The following KIF5C variants were observed in gnomAD, a reference collection of about 807,000 sequenced individuals.
KIF5C encodes the protein kinesin family member 5C, also known as kinesin heavy chain isoform 5C.
In KIF5C, 18 loss-of-function variants were observed where a neutral mutation model predicts 125.2. The ratio of observed to expected loss-of-function variants is 0.14; its 90% confidence interval spans 0.10 to 0.21. The LOEUF (loss-of-function observed/expected upper bound fraction) is 0.21, where lower values mean the gene tolerates loss of function less well. Ranked by LOEUF, KIF5C falls within the 10% of genes least tolerant of loss-of-function variation. KIF5C has a pLI of 1.00. For missense variants in KIF5C, 780 were observed against 1,183.8 expected (o/e 0.66, Z 5.01); for synonymous variants, 405 against 434.0 (o/e 0.93, Z 0.83).
chr2:148,948,238 T>A (rs940410565), intron 8 of KIF5C, among the ~76,000 whole-genome samples: 1 of 149,948 alleles, frequency 6.7e-6, no homozygotes, highest in African/African-American at 2.5e-5. Context: ...GCACCTGTAG[T>A]CCCAGCTACT....
intron 1 of KIF5C, among the ~76,000 whole-genome samples, chr2:148,893,125 A>G (rs1339236975): frequency 6.6e-6 from 1 of 152,232 alleles, no homozygotes; most frequent in Non-Finnish European, 1.5e-5. Flanking sequence ...TACAGTCTAT[A>G]CCTGGCTTGT....
intron 3 of KIF5C, 115 bp from the exon 4 acceptor site, chr2:148,937,169 T>C: frequency 1.4e-6 from 2 of 1,425,550 alleles, no homozygotes; most frequent in Non-Finnish European, 1.9e-6. Context: ...CAGGCACACG[T>C]GGGTGCTTCC....
intron 15 of KIF5C, among the ~76,000 whole-genome samples, chr2:148,989,003 G>A (rs1353047687): frequency 6.6e-6 from 1 of 152,154 alleles, no homozygotes; most frequent in Non-Finnish European, 1.5e-5. Context: ...AGGACAGGTG[G>A]TGTTTGGTTA....
At chr2:149,019,882 C>G (rs1682480731) in intron 25 of KIF5C, among the ~76,000 whole-genome samples, 2 of 152,214 alleles carry the variant, frequency 1.3e-5, no homozygotes, top group Non-Finnish European at 2.9e-5. Context: ...CCCACCCCTT[C>G]TAAAGAAAGG....
intron 12 of KIF5C, 41 bp from the exon 13 acceptor site, chr2:148,978,881 A>G (rs377572741): frequency 6.4e-7 from 1 of 1,559,726 alleles, no homozygotes; most frequent in Non-Finnish European, 8.7e-7. Flanking sequence ...ATCAAAAATG[A>G]CATAACTAAC....
intron 1 of KIF5C, among the ~76,000 whole-genome samples, chr2:148,920,493 A>C (rs1255904576): frequency 2.0e-5 from 3 of 152,342 alleles, no homozygotes; most frequent in Admixed American, 2.0e-4. Flanking sequence ...ACTGCAAACA[A>C]AACATCAGAA....
chr2:148,892,801 T>C (rs1681744810), intron 1 of KIF5C, among the ~76,000 whole-genome samples: 2 of 152,264 alleles, frequency 1.3e-5, no homozygotes, highest in Non-Finnish European at 2.9e-5. Context: ...GAGAGATTTA[T>C]GTCTGCTTCT....
At chr2:148,984,942 C>T (rs1357236501) in intron 15 of KIF5C, among the ~76,000 whole-genome samples, 1 of 152,102 alleles carries the variant, frequency 6.6e-6, no homozygotes, top group African/African-American at 2.4e-5. Context: ...AGGCATGTGC[C>T]ACCAGGCCCT....
At chr2:148,988,879 T>C (rs1681452119) in intron 15 of KIF5C, among the ~76,000 whole-genome samples, 1 of 152,242 alleles carries the variant, frequency 6.6e-6, no homozygotes, top group Non-Finnish European at 1.5e-5. Flanking sequence ...TAGATACTTG[T>C]CAATTTTCTT....
intron 22 of KIF5C, among the ~76,000 whole-genome samples, chr2:149,007,300 C>T (rs1444123430): frequency 6.6e-6 from 1 of 152,190 alleles, no homozygotes; most frequent in Non-Finnish European, 1.5e-5. Flanking sequence ...TGCTTTTCCA[C>T]CTTGGAACAC....
chr2:148,904,270 G>A (rs1206447083), intron 1 of KIF5C, among the ~76,000 whole-genome samples: 1 of 152,174 alleles, frequency 6.6e-6, no homozygotes, highest in East Asian at 1.9e-4. Flanking sequence ...TCAGCATCGG[G>A]GGAGCACAAG....
At position 149,025,596 on chromosome 2, in the gene KIF5C, A is replaced by G. The variant is rs1345284761; in HGVS notation, c.*2526A>G. The stretch of plus-strand genomic sequence containing the variant: ...TGGTTATATGCAGCTTTTGACTAGC[A>G]TGTATTGTGTCTTTTTCTCCTCTAT... On this transcript the variant is annotated 3_prime_UTR_variant, in exon 26 of 26. Coordinates refer to ENST00000435030, the MANE Select transcript of KIF5C (RefSeq NM_004522.3). The G allele has an allele frequency of 6.6e-6, 1 of 152,208 alleles. No individual in the cohort carries two copies. The highest frequency in any genetic ancestry group is 2.4e-5 in the African/African-American group (1 of 41,460). The allele number at this position is 152,208 out of a possible 1,614,324, so 9.4% of individuals were successfully genotyped here.
At chr2:148,952,663 C>G (rs1348242453) in intron 10 of KIF5C, among the ~76,000 whole-genome samples, 1 of 152,108 alleles carries the variant, frequency 6.6e-6, no homozygotes, top group Non-Finnish European at 1.5e-5. Flanking sequence ...GACCCATTCT[C>G]TTGTTTACCT....
chr2:149,000,411 T>A lies in KIF5C; in HGVS notation c.2211-12T>A. 1 of 1,568,564 alleles carries A rather than the reference T, an allele frequency of 6.4e-7. No homozygotes were observed. On this transcript the variant is annotated splice_polypyrimidine_tract_variant and intron_variant, in intron 19 of 25. Coordinates refer to ENST00000435030, the MANE Select transcript of KIF5C (RefSeq NM_004522.3). Reference sequence around the variant, plus strand: ...TGATGTGGAATATATTGCTTTTTCCTCTCAATTTCAGTTTGAATCAGAAAC... The same window carrying A: ...TGATGTGGAATATATTGCTTTTTCCACTCAATTTCAGTTTGAATCAGAAAC...
chr2:149,001,362 C>T (rs1314714705), intron 21 of KIF5C, among the ~76,000 whole-genome samples: 1 of 152,136 alleles, frequency 6.6e-6, no homozygotes, highest in Non-Finnish European at 1.5e-5. Flanking sequence ...CAGGCAGAGG[C>T]AACAGCTCAT....
At chr2:148,937,454 C>A in intron 4 of KIF5C, 66 bp downstream of exon 4, 1 of 1,511,128 alleles carries the variant, frequency 6.6e-7, no homozygotes, top group South Asian at 1.3e-5. Context: ...TATACCTCCT[C>A]CTTTCAAGAA....
chr2:149,000,739 G>A lies in KIF5C; in HGVS notation c.2330G>A (p.Arg777Lys), dbSNP rs1159988374. 6.2e-7 allele frequency: 1 copy of A among 1,613,908 alleles called. No homozygotes were observed. The highest frequency in any genetic ancestry group is 1.1e-5 in the South Asian group (1 of 91,048). ...LEKLLLLNDKREQAREDLKGL... is the reference protein window; with the variant it reads ...LEKLLLLNDKKEQAREDLKGL... ...TTTTTCAGATTGCTCAACGATAAAA[G>A]GGAACAAGCCAGAGAAGACCTCAAA... The change falls in exon 21 of 26, where the codon AGG (arginine) becomes AAG (lysine). Residue 777 changes from arginine (R) to lysine (K), a missense_variant. Arg to Lys is a conservative substitution (Grantham distance 26, BLOSUM62 2). Around this residue, in one of 2 missense-constraint regions of KIF5C, gnomAD observed 573 missense variants for 742.6 expected, o/e 0.77. Coordinates refer to ENST00000435030, the MANE Select transcript of KIF5C (RefSeq NM_004522.3).
intron 10 of KIF5C, among the ~76,000 whole-genome samples, chr2:148,952,867 A>G (rs1682699883): frequency 6.6e-6 from 1 of 152,326 alleles, no homozygotes; most frequent in East Asian, 1.9e-4. Flanking sequence ...TTCGTCTTAA[A>G]TAATCTCACA....
intron 10 of KIF5C, among the ~76,000 whole-genome samples, chr2:148,955,416 T>G (rs971010273): frequency 1.3e-5 from 2 of 152,124 alleles, no homozygotes; most frequent in African/African-American, 2.4e-5. Flanking sequence ...GTTAAAGGCC[T>G]TAAGAGCTAA....
Sources: gnomAD v4.1 joint callset for allele counts (sites outside exome capture counted in the v4.1 genomes callset) on GRCh38, gnomAD v4.1.1 for gene constraint, gnomAD v4.1.1 regional missense constraint, MANE v1.5 for transcripts, NCBI Gene and HGNC (gene_info 2026-07-23, HGNC 2026-07-21) for gene names.